Variants in POFUT3 observed in about 807,000 individuals in gnomAD.
The protein encoded by POFUT3 is GDP-fucose protein O-fucosyltransferase 3.
chr8:33,323,216 T>C, the POFUT3 span, among the ~76,000 whole-genome samples: 8 of 152,320 alleles, frequency 5.3e-5, no homozygotes, highest in African/African-American at 1.9e-4. Context: ...AGAAAATATC[T>C]GAACTGTGTG....
At chr8:33,339,686 C>T in the POFUT3 span, among the ~76,000 whole-genome samples, 5 of 152,084 alleles carry the variant, frequency 3.3e-5, no homozygotes, top group Non-Finnish European at 7.4e-5. Flanking sequence ...GAATAAATGA[C>T]ACCTTACCTA....
the POFUT3 span, among the ~76,000 whole-genome samples, chr8:33,312,363 T>G: frequency 1.3e-5 from 2 of 151,984 alleles, no homozygotes; most frequent in African/African-American, 2.4e-5. Flanking sequence ...GGCAGTGATG[T>G]GCCTACAAGC....
chr8:33,427,874 C>T, the POFUT3 span, among the ~76,000 whole-genome samples: 7 of 152,140 alleles, frequency 4.6e-5, no homozygotes, highest in Admixed American at 2.0e-4. Context: ...CACCTGTAAT[C>T]CCAGCACTTT....
At chr8:33,328,441 G>A in the POFUT3 span, among the ~76,000 whole-genome samples, 8 of 152,186 alleles carry the variant, frequency 5.3e-5, no homozygotes, top group Admixed American at 3.9e-4. Context: ...GGGTGGAAAG[G>A]AAAACAGGTG....
At chr8:33,318,630 ATATATAAATATAT>A in the POFUT3 span, among the ~76,000 whole-genome samples, 1 of 87,888 alleles carries the variant, frequency 1.1e-5, no homozygotes, top group African/African-American at 5.7e-5. Context: ...TATTTATATA[ATATATAAATATAT>A]TGTATATATA....
At chr8:33,336,498 G>A in the POFUT3 span, among the ~76,000 whole-genome samples, 45 of 152,148 alleles carry the variant, frequency 3.0e-4, no homozygotes, top group African/African-American at 1.0e-3. Context: ...CAACCAGCTC[G>A]CACATCTTTT....
chr8:33,355,778 G>A, the POFUT3 span, among the ~76,000 whole-genome samples: 7 of 151,730 alleles, frequency 4.6e-5, no homozygotes, highest in East Asian at 7.7e-4. Flanking sequence ...CCATTAACTC[G>A]TCATTTAGCA....
chr8:33,411,299 C>A, the POFUT3 span, among the ~76,000 whole-genome samples: 1 of 152,196 alleles, frequency 6.6e-6, no homozygotes, highest in African/African-American at 2.4e-5. Context: ...CACAGCACAG[C>A]TGGAACGAGC....
the POFUT3 span, among the ~76,000 whole-genome samples, chr8:33,355,249 A>G: frequency 6.6e-6 from 1 of 152,254 alleles, no homozygotes; most frequent in Non-Finnish European, 1.5e-5. Context: ...TTCCTAAAGA[A>G]GGGAAAAACA....
At chr8:33,320,911 G>C in the POFUT3 span, among the ~76,000 whole-genome samples, 5 of 152,018 alleles carry the variant, frequency 3.3e-5, no homozygotes, top group Non-Finnish European at 5.9e-5. Flanking sequence ...CACAGGATGA[G>C]TCCAGATTCA....
chr8:33,387,862 G>A, the POFUT3 span, among the ~76,000 whole-genome samples: 2 of 152,144 alleles, frequency 1.3e-5, no homozygotes, highest in African/African-American at 4.8e-5. Flanking sequence ...ATGAGAGTCT[G>A]GCACAGCAAT....
chr8:33,435,344 A>G, the POFUT3 span, among the ~76,000 whole-genome samples: 1 of 151,434 alleles, frequency 6.6e-6, no homozygotes, highest in South Asian at 2.1e-4. Flanking sequence ...CAGCCTCCCA[A>G]GTAGCTGGGA....
the POFUT3 span, among the ~76,000 whole-genome samples, chr8:33,443,021 G>C: frequency 3.3e-5 from 5 of 152,090 alleles, no homozygotes; most frequent in Non-Finnish European, 7.4e-5. Context: ...GCTGAGATGG[G>C]GGGATCAGTT....
the POFUT3 span, among the ~76,000 whole-genome samples, chr8:33,319,749 T>C: frequency 1.7e-5 from 1 of 60,280 alleles, no homozygotes; most frequent in Non-Finnish European, 2.7e-5. Context: ...TATATATTTA[T>C]ATATATATAA....
At chr8:33,380,470 G>T in the POFUT3 span, among the ~76,000 whole-genome samples, 1 of 150,910 alleles carries the variant, frequency 6.6e-6, no homozygotes, top group Non-Finnish European at 1.5e-5. Flanking sequence ...GAAAATGGAT[G>T]GTTTATATGT....
chr8:33,345,558 G>A, the POFUT3 span, among the ~76,000 whole-genome samples: 5 of 151,668 alleles, frequency 3.3e-5, no homozygotes, highest in Admixed American at 2.6e-4. Flanking sequence ...CTGCCACCAC[G>A]CCCAGCTAAT....
At chr8:33,318,105 A>G in the POFUT3 span, among the ~76,000 whole-genome samples, 10 of 152,126 alleles carry the variant, frequency 6.6e-5, no homozygotes, top group African/African-American at 2.4e-4. Context: ...GGGCATAAAT[A>G]GCCTGTTATC....
chr8:33,309,162 AAAAAAATATATATATATATAT>A, the POFUT3 span, among the ~76,000 whole-genome samples: 3 of 52,472 alleles, frequency 5.7e-5, no homozygotes, highest in African/African-American at 3.9e-4. Flanking sequence ...AAAAAAAAAA[AAAAAAATATATATATATATAT>A]ATATATATAT....
chr8:33,311,944 C>G, the POFUT3 span, among the ~76,000 whole-genome samples: 1 of 152,142 alleles, frequency 6.6e-6, no homozygotes, highest in African/African-American at 2.4e-5. Flanking sequence ...AAGGCAGGCT[C>G]TAATTCAATG....
Sources: allele counts gnomAD v4.1 joint callset (sites outside exome capture counted in the v4.1 genomes callset), GRCh38; gene constraint gnomAD v4.1.1; transcripts MANE v1.5; gene names NCBI Gene and HGNC (gene_info 2026-07-23, HGNC 2026-07-21).